Variants in EVC observed in about 807,000 individuals in gnomAD.
EVC encodes the protein evC complex member EVC.
EVC carries 116 observed loss-of-function variants against 118.9 expected under a neutral mutation model. The observed-to-expected ratio is 0.98, with a 90% CI of 0.84 to 1.14. The LOEUF is 1.14. EVC is among the 50% of genes most tolerant of loss of function. The pLI is 0.00. For missense variants in EVC, 1,401 were observed against 1,246.4 expected (o/e 1.12, Z -1.87); for synonymous variants, 619 against 534.7 (o/e 1.16, Z -2.18).
At position 5,753,951 on chromosome 4, in the gene EVC, C is replaced by G; in HGVS notation, c.1464+18C>G. 1 of 1,612,464 alleles carries G rather than the reference C, an allele frequency of 6.2e-7. No individual in the cohort carries two copies. The highest frequency in any genetic ancestry group is 1.1e-5 in the South Asian group (1 of 91,000). On this transcript the variant is annotated intron_variant, in intron 10 of 20. Coordinates refer to ENST00000264956, the MANE Select transcript of EVC (RefSeq NM_153717.3). ...TTCTCGAGGTGACTCACATCCCCAG[C>G]CTCTGCACATGTGGGTGAGCCAGTT...
the EVC span, chr4:5,824,431 TC>T: frequency 6.1e-6 from 6 of 985,328 alleles, no homozygotes; most frequent in African/African-American, 8.7e-5. Flanking sequence ...ATCAGACACT[TC>T]CTGAATGGAT....
chr4:5,808,161 T>TCCTTCCTTCCTTCCTCCCTCCCTCCCTC, intron 17 of EVC, 40 bp from the exon 18 acceptor site: 1 of 573,982 alleles, frequency 1.7e-6, no homozygotes, highest in Non-Finnish European at 2.9e-6. Context: ...CTCCCTCCCT[T>TCCTTCCTTCCTTCCTCCCTCCCTCCCTC]CCTTCCTCCC....
At chr4:5,761,563 C>T (rs894833437) in intron 11 of EVC, among the ~76,000 whole-genome samples, 2 of 151,772 alleles carry the variant, frequency 1.3e-5, no homozygotes, top group South Asian at 2.1e-4. Flanking sequence ...GAAAGACTTT[C>T]GTTAGTGCCT....
chr4:5,770,650 A>C (rs1484512974), intron 11 of EVC, among the ~76,000 whole-genome samples: 2 of 152,186 alleles, frequency 1.3e-5, no homozygotes, highest in Admixed American at 6.5e-5. Context: ...GGTTGTGTCC[A>C]GGGCATAACC....
At chr4:5,725,862 T>A (rs1355485802) in intron 2 of EVC, among the ~76,000 whole-genome samples, 1 of 152,220 alleles carries the variant, frequency 6.6e-6, no homozygotes, top group Admixed American at 6.5e-5. Context: ...TACATTTAAG[T>A]CTTTAATCCA....
intron 12 of EVC, among the ~76,000 whole-genome samples, chr4:5,785,111 A>G (rs1209770632): frequency 1.3e-5 from 2 of 152,258 alleles, no homozygotes; most frequent in Non-Finnish European, 2.9e-5. Flanking sequence ...AAACAAAGCA[A>G]AGGGCTTCTG....
At chr4:5,825,782 A>G in the EVC span, 24 of 864,352 alleles carry the variant, frequency 2.8e-5, no homozygotes, top group East Asian at 6.1e-4. This position sits in a 1 kb window ranked among gnomAD's most constrained non-coding sequence, Gnocchi z 4.4. Flanking sequence ...GCATGCACAC[A>G]CACACACAAC....
chr4:5,729,451 G>T, intron 3 of EVC, 61 bp downstream of exon 3: 1 of 1,481,534 alleles, frequency 6.7e-7, no homozygotes, highest in Non-Finnish European at 9.4e-7. Flanking sequence ...CAGAGATTGG[G>T]AGGAAAGTGG....
In EVC at chr4:5,731,550, C is replaced by T. The variant is rs757930422; in HGVS notation, c.510C>T (p.Asp170=). The T allele has an allele frequency of 3.4e-5, 55 of 1,613,970 alleles. No individual in the cohort carries two copies. Among genetic ancestry groups the T allele is most frequent in the South Asian group, 3.3e-4 (30 of 91,072 alleles). Residue 170 remains aspartate, a synonymous_variant, in exon 4 of 21, where the codon GAC becomes GAT. Coordinates refer to ENST00000264956, the MANE Select transcript of EVC (RefSeq NM_153717.3). The surrounding 1 kb of genome is among the most constrained non-coding windows in gnomAD (Gnocchi z 5.6). ...GGAGCCTGAGCCAGGGTGAGAAGGA[C>T]GACTGCAGCTCCTCATCCAGCGTCC... ...SLGSLSQGEK[D]DCSSSSSVHS...
chr4:5,825,088 G>A, the EVC span: 33 of 985,442 alleles, frequency 3.3e-5, no homozygotes, highest in African/African-American at 5.8e-4. This position sits in a 1 kb window ranked among gnomAD's most constrained non-coding sequence, Gnocchi z 4.4. Flanking sequence ...GTACACTGCA[G>A]TGGGTGAACA....
intron 11 of EVC, among the ~76,000 whole-genome samples, chr4:5,773,988 T>C (rs932390280): frequency 2.0e-5 from 3 of 152,048 alleles, no homozygotes; most frequent in Non-Finnish European, 2.9e-5. Flanking sequence ...ATCCATTCCG[T>C]GGACTCTGAA....
At chr4:5,792,629 C>T (rs769903479) in intron 12 of EVC, among the ~76,000 whole-genome samples, 43 of 152,166 alleles carry the variant, frequency 2.8e-4, no homozygotes, top group Non-Finnish European at 4.1e-4. Context: ...GCTCCTACAT[C>T]GAATTTTATG....
At chr4:5,740,363 T>C (rs553619013) in intron 5 of EVC, among the ~76,000 whole-genome samples, 3 of 149,754 alleles carry the variant, frequency 2.0e-5, no homozygotes, top group Non-Finnish European at 4.4e-5. Flanking sequence ...CCCACCTACT[T>C]GGGAGGCTGA....
Position 5,798,492 on chromosome 4 carries a change from G to T in EVC, c.2098-94G>T. 1 of 1,311,332 alleles carries T rather than the reference G, an allele frequency of 7.6e-7. No individual in the cohort carries two copies. The highest frequency in any genetic ancestry group is 1.1e-6 in the Non-Finnish European group (1 of 931,464). 81.2% of individuals were successfully genotyped at this position (1,311,332 alleles called of 1,614,324 possible). On this transcript the variant is annotated intron_variant, in intron 14 of 20. Coordinates refer to ENST00000264956, the MANE Select transcript of EVC (RefSeq NM_153717.3). This position sits in a 1 kb window ranked among gnomAD's most constrained non-coding sequence, Gnocchi z 4.1. ...TCTCCATCCCTTTTCCAACCCCTGG[G>T]CCCTGGATAGGACCAGCCCCACATC...
In EVC at chr4:5,719,468, GAT is replaced by G; in HGVS notation, c.300+99_300+100del. 1.3e-6 allele frequency: 2 copies of G among 1,584,658 alleles called. No individual in the cohort carries two copies. Among genetic ancestry groups the G allele is most frequent in the Non-Finnish European group, 1.7e-6 (2 of 1,156,352 alleles). ...GTGTCATGTAGACAAGCCTCTGACA[GAT>G]ATAGTTTCCCAATGGGCTGCTTTTC... On this transcript the variant is annotated intron_variant, in intron 2 of 20. Transcript: ENST00000264956. The surrounding 1 kb of genome is among the most constrained non-coding windows in gnomAD (Gnocchi z 4.7).
intron 12 of EVC, 47 bp from the exon 13 acceptor site, chr4:5,793,561 G>C (rs1713185905): frequency 1.4e-6 from 2 of 1,470,254 alleles, no homozygotes; most frequent in African/African-American, 1.4e-5. Flanking sequence ...CAGGATTGTT[G>C]AAGTGAGTAA....
At chr4:5,810,745 C>G (rs1716779409) in intron 20 of EVC, among the ~76,000 whole-genome samples, 2 of 152,172 alleles carry the variant, frequency 1.3e-5, no homozygotes, top group African/African-American at 2.4e-5. Flanking sequence ...CTTCTTTGAC[C>G]AGGGATGGCT....
chr4:5,753,103 C>A, intron 9 of EVC, 51 bp downstream of exon 9: 1 of 1,509,030 alleles, frequency 6.6e-7, no homozygotes, highest in Non-Finnish European at 9.0e-7. Flanking sequence ...CTTCTGGGTC[C>A]CTGGGGCTGT....
At chr4:5,784,549 C>A (rs1736126416) in intron 12 of EVC, among the ~76,000 whole-genome samples, 1 of 151,792 alleles carries the variant, frequency 6.6e-6, no homozygotes, top group Non-Finnish European at 1.5e-5. Context: ...TTGTTTTCAG[C>A]TACAGCTTGT....
Sources: allele counts gnomAD v4.1 joint callset (sites outside exome capture counted in the v4.1 genomes callset), GRCh38; gene constraint gnomAD v4.1.1; non-coding constraint Gnocchi (gnomAD v3.1); transcripts MANE v1.5; gene names NCBI Gene and HGNC (gene_info 2026-07-23, HGNC 2026-07-21).